The following PPP1R14C variants were observed in gnomAD, a reference collection of about 807,000 sequenced individuals.
PPP1R14C encodes protein phosphatase 1 regulatory inhibitor subunit 14C.
A neutral mutation model predicts 20.4 loss-of-function variants in PPP1R14C; 16 were observed. The observed-to-expected ratio is 0.78, with a 90% CI of 0.53 to 1.19. The LOEUF (loss-of-function observed/expected upper bound fraction) is 1.19. PPP1R14C is among the 50% of genes most tolerant of loss of function. The pLI, the probability that PPP1R14C is intolerant of heterozygous loss-of-function variation, is 0.00. For synonymous variants in PPP1R14C, 91 were observed against 91.0 expected (o/e 1.00, Z 0.00); for missense variants, 211 against 220.1 (o/e 0.96, Z 0.26).
At chr6:150,227,935 A>T (rs1239847606) in intron 3 of PPP1R14C, among the ~76,000 whole-genome samples, 1 of 152,212 alleles carries the variant, frequency 6.6e-6, no homozygotes, top group Admixed American at 6.5e-5. Flanking sequence ...AATTGCTCAC[A>T]TACTTTCATT....
intron 3 of PPP1R14C, among the ~76,000 whole-genome samples, chr6:150,236,221 A>G (rs1006969867): frequency 2.0e-5 from 3 of 152,112 alleles, no homozygotes; most frequent in Non-Finnish European, 2.9e-5. Context: ...TAATGATCAA[A>G]TGAGACAGTA....
intron 1 of PPP1R14C, among the ~76,000 whole-genome samples, chr6:150,165,386 G>A (rs1582899384): frequency 6.6e-6 from 1 of 152,334 alleles, no homozygotes; most frequent in East Asian, 1.9e-4. Context: ...GACTTGCCTA[G>A]TTAATTACAT....
At chr6:150,148,441 C>T (rs1469699204) in intron 1 of PPP1R14C, among the ~76,000 whole-genome samples, 2 of 152,186 alleles carry the variant, frequency 1.3e-5, no homozygotes, top group Non-Finnish European at 2.9e-5. Context: ...TTTGCCTGTT[C>T]CCAGATGCTG....
chr6:150,155,202 T>C (rs549855934), intron 1 of PPP1R14C, among the ~76,000 whole-genome samples: 4 of 152,332 alleles, frequency 2.6e-5, no homozygotes, highest in African/African-American at 9.6e-5. Context: ...CTAAGCAAAT[T>C]ACTTTCTGTT....
At chr6:150,217,518 C>T (rs9885695) in intron 3 of PPP1R14C, among the ~76,000 whole-genome samples, 31,848 of 151,760 alleles carry the variant, frequency 0.21, 4,943 homozygotes, top group African/African-American at 0.44. Context: ...TTTTTAAAAG[C>T]GTAAAGGCAG....
Position 150,160,123 on chromosome 6 carries a change from G to A in PPP1R14C, c.306+16625G>A, listed in dbSNP as rs553720650. On this transcript the variant is annotated intron_variant, in intron 1 of 3. Coordinates refer to ENST00000361131, the MANE Select transcript of PPP1R14C (RefSeq NM_030949.3). ...TTCTGTGAAGGTACATCCTGTCAAC[G>A]TGGCTTATTACTGTTGATATTCACC... Among the ~76,000 whole-genome samples, 2 of 152,234 alleles carry A rather than the reference G, an allele frequency of 1.3e-5. 1 individual carries two copies. Among genetic ancestry groups the A allele is most frequent in the South Asian group, 4.1e-4 (2 of 4,822 alleles).
intron 1 of PPP1R14C, among the ~76,000 whole-genome samples, chr6:150,149,467 T>C (rs1349696282): frequency 3.2e-5 from 4 of 124,600 alleles, no homozygotes; most frequent in African/African-American, 1.3e-4. Context: ...TTTTTTTTTT[T>C]TTTTTTTTTT....
At chr6:150,246,610 G>C (rs1304640078) in intron 3 of PPP1R14C, among the ~76,000 whole-genome samples, 2 of 152,194 alleles carry the variant, frequency 1.3e-5, no homozygotes, top group Non-Finnish European at 2.9e-5. Context: ...GTTCAGAAAT[G>C]GTGGTGATTA....
rs375656191 is a variant in PPP1R14C at position 150,209,432 on chromosome 6, TTGTGTATG to T, written c.307-5299_307-5292del. On this transcript the variant is annotated intron_variant, in intron 1 of 3. Coordinates refer to ENST00000361131, the MANE Select transcript of PPP1R14C (RefSeq NM_030949.3). ...TGTGTGTATATATCTGTGTGTTTAT[TTGTGTATG>T]TGTGTATGTGTGCATGTGAGTGTAT... Among the ~76,000 whole-genome samples the T allele has an allele frequency of 3.5e-3, 526 of 149,340 alleles. 5 individuals carry two copies. The highest frequency in any genetic ancestry group is 0.012 in the African/African-American group (511 of 41,160).
chr6:150,241,484 A>G (rs1038767694), intron 3 of PPP1R14C, among the ~76,000 whole-genome samples: 4 of 152,362 alleles, frequency 2.6e-5, no homozygotes, highest in South Asian at 2.1e-4. Flanking sequence ...AGCCAGAAGT[A>G]TAGGTTGACA....
At chr6:150,244,221 C>T (rs1283487978) in intron 3 of PPP1R14C, among the ~76,000 whole-genome samples, 1 of 151,452 alleles carries the variant, frequency 6.6e-6, no homozygotes, top group Non-Finnish European at 1.5e-5. Context: ...AACCATTCTA[C>T]TCAAACTTCT....
At chr6:150,175,749 T>C (rs1777554788) in intron 1 of PPP1R14C, among the ~76,000 whole-genome samples, 1 of 152,242 alleles carries the variant, frequency 6.6e-6, no homozygotes, top group Non-Finnish European at 1.5e-5. Context: ...ACATAACCCA[T>C]GGCTCTTGAC....
At position 150,248,716 on chromosome 6, in the gene PPP1R14C, C is replaced by G. The variant is rs755601232; in HGVS notation, c.424-30C>G. On this transcript the variant is annotated intron_variant, in intron 3 of 3. Coordinates refer to ENST00000361131, the MANE Select transcript of PPP1R14C (RefSeq NM_030949.3). ...TAAACACAGAATTTTAATAGTGACC[C>G]TCATATTAACTTCTTCTGATCTCTT... 9.0e-6 allele frequency: 13 copies of G among 1,436,810 alleles called. 1 individual carries two copies. Among genetic ancestry groups the G allele is most frequent in the Non-Finnish European group, 1.3e-5 (13 of 1,021,992 alleles). The allele number at this position is 1,436,810 out of a possible 1,614,324, so 89.0% of individuals were successfully genotyped here.
At chr6:150,212,048 G>C (rs1778029587) in intron 1 of PPP1R14C, among the ~76,000 whole-genome samples, 1 of 152,196 alleles carries the variant, frequency 6.6e-6, no homozygotes, top group Non-Finnish European at 1.5e-5. Context: ...GAGTGACCTT[G>C]AGATGCCTGG....
Position 150,229,157 on chromosome 6 carries a change from T to A in PPP1R14C, c.423+12301T>A, listed in dbSNP as rs78343262. On this transcript the variant is annotated intron_variant, in intron 3 of 3. Transcript: ENST00000361131. ...GTGACACATGACTTTAATTTCTATGTCTATAACAGAGATAGTTATAATCAA... is the reference window on the plus strand; with the variant it reads ...GTGACACATGACTTTAATTTCTATGACTATAACAGAGATAGTTATAATCAA... 1.7e-4 allele frequency among the ~76,000 whole-genome samples: 26 copies of A among 152,324 alleles called. No individual in the cohort carries two copies. In the East Asian group the frequency reaches 5.0e-3, roughly 29 times the overall value.
At chr6:150,211,905 T>A (rs1389148265) in intron 1 of PPP1R14C, among the ~76,000 whole-genome samples, 1 of 152,224 alleles carries the variant, frequency 6.6e-6, no homozygotes, top group Non-Finnish European at 1.5e-5. Context: ...CGCAGATGCC[T>A]AATGGCTGTT....
chr6:150,154,971 A>G (rs1777290506), intron 1 of PPP1R14C, among the ~76,000 whole-genome samples: 1 of 152,160 alleles, frequency 6.6e-6, no homozygotes, highest in African/African-American at 2.4e-5. Context: ...CATATAACCT[A>G]TAATATTGGC....
intron 1 of PPP1R14C, among the ~76,000 whole-genome samples, chr6:150,200,831 G>A (rs1024375639): frequency 6.6e-6 from 1 of 152,184 alleles, no homozygotes; most frequent in African/African-American, 2.4e-5. Flanking sequence ...CCCTGAGTGT[G>A]TGAAAGCTGT....
At chr6:150,192,669 A>G (rs1447201664) in intron 1 of PPP1R14C, among the ~76,000 whole-genome samples, 1 of 152,108 alleles carries the variant, frequency 6.6e-6, no homozygotes, top group Non-Finnish European at 1.5e-5. Flanking sequence ...TTAACACAAT[A>G]TGTGTTATTA....
Sources: gnomAD v4.1 joint callset for allele counts (sites outside exome capture counted in the v4.1 genomes callset) on GRCh38, gnomAD v4.1.1 for gene constraint, MANE v1.5 for transcripts, NCBI Gene and HGNC (gene_info 2026-07-23, HGNC 2026-07-21) for gene names.